Variants in TMEM74 observed in about 807,000 individuals in gnomAD.
TMEM74 encodes transmembrane protein 74.
TMEM74 carries 13 observed loss-of-function variants against 18.1 expected under a neutral mutation model. That is an observed-to-expected ratio of 0.72 (90% CI 0.47 to 1.14). The LOEUF is 1.14. Among genes scored for constraint, TMEM74 ranks in the 50% most tolerant of loss-of-function variants. The pLI, the probability that TMEM74 is intolerant of heterozygous loss-of-function variation, is 0.00. For missense variants in TMEM74, 372 were observed against 375.9 expected (o/e 0.99, Z 0.09); for synonymous variants, 159 against 146.6 (o/e 1.08, Z -0.61).
chr8:108,732,643 C>A (rs1813707722), intron 1 of TMEM74, among the ~76,000 whole-genome samples: 1 of 151,860 alleles, frequency 6.6e-6, no homozygotes. Flanking sequence ...AGGAAAATCT[C>A]AAAAATGGTG....
chr8:108,738,462 T>C (rs183651798), intron 1 of TMEM74, among the ~76,000 whole-genome samples: 128 of 152,270 alleles, frequency 8.4e-4, no homozygotes, highest in Middle Eastern at 3.4e-3. Flanking sequence ...TGTCAAAATA[T>C]CAAAACTTGG....
chr8:108,744,035 GT>G (rs10710496), intron 1 of TMEM74, among the ~76,000 whole-genome samples: 47,682 of 151,976 alleles, frequency 0.31, 7,719 homozygotes, highest in East Asian at 0.41. Context: ...GGTGGGCAAT[GT>G]TTAGTGCACC....
chr8:108,610,582 T>G (rs748238641), intron 2 of TMEM74, among the ~76,000 whole-genome samples: 3 of 152,098 alleles, frequency 2.0e-5, no homozygotes, highest in Non-Finnish European at 2.9e-5. Context: ...GTTGAGAATG[T>G]GACATTTGGG....
intron 1 of TMEM74, among the ~76,000 whole-genome samples, chr8:108,709,070 C>T (rs1586269071): frequency 6.6e-6 from 1 of 152,148 alleles, no homozygotes; most frequent in Non-Finnish European, 1.5e-5. Context: ...TCCTTGTACA[C>T]TGTTCGTGAG....
At chr8:108,657,858 AAATATATATATATATAT>A (rs1395816502) in intron 1 of TMEM74, among the ~76,000 whole-genome samples, 27 of 71,032 alleles carry the variant, frequency 3.8e-4, no homozygotes, top group East Asian at 3.7e-3. Flanking sequence ...AAAAAAAAAA[AAATATATATATATATAT>A]ATATATATAT....
At chr8:108,610,805 C>T (rs775442759) in intron 2 of TMEM74, among the ~76,000 whole-genome samples, 1 of 152,144 alleles carries the variant, frequency 6.6e-6, no homozygotes, top group Non-Finnish European at 1.5e-5. Context: ...GGCTTCTCCT[C>T]TGAATAAGTT....
chr8:108,699,183 T>TCCTTCCTTCCTTCCTTCCTTCCTC (rs1316107934), intron 1 of TMEM74, among the ~76,000 whole-genome samples: 2 of 70,472 alleles, frequency 2.8e-5, no homozygotes, highest in African/African-American at 1.4e-4. Context: ...CTTCCTTCCT[T>TCCTTCCTTCCTTCCTTCCTTCCTC]CCTCCCTCCC....
At chr8:108,748,016 A>G (rs1403183934) in intron 1 of TMEM74, among the ~76,000 whole-genome samples, 1 of 152,154 alleles carries the variant, frequency 6.6e-6, no homozygotes, top group Admixed American at 6.6e-5. Flanking sequence ...TAGTGCTGCA[A>G]TGAACATATG....
chr8:108,657,877 T>A (rs1250586076), intron 1 of TMEM74, among the ~76,000 whole-genome samples: 12,404 of 70,542 alleles, frequency 0.18, 2,318 homozygotes, highest in East Asian at 0.2. Context: ...TATATATATA[T>A]ATATATATAT....
chr8:108,767,848 T>A (rs1347104068), intron 1 of TMEM74, among the ~76,000 whole-genome samples: 1 of 152,152 alleles, frequency 6.6e-6, no homozygotes, highest in Admixed American at 6.5e-5. Flanking sequence ...ACAGATGAGG[T>A]ATAAATATAG....
intron 1 of TMEM74, among the ~76,000 whole-genome samples, chr8:108,771,344 C>T (rs1438588621): frequency 6.6e-6 from 1 of 151,938 alleles, no homozygotes; most frequent in East Asian, 1.9e-4. Context: ...TTGTAAATTC[C>T]TTGACTCAGT....
At chr8:108,715,046 C>G (rs753983548) in intron 1 of TMEM74, among the ~76,000 whole-genome samples, 3 of 152,036 alleles carry the variant, frequency 2.0e-5, no homozygotes, top group Non-Finnish European at 4.4e-5. Context: ...TGTATCTTTT[C>G]TTTTTTGTCA....
intron 1 of TMEM74, among the ~76,000 whole-genome samples, chr8:108,761,595 A>G (rs1000422449): frequency 1.3e-5 from 2 of 152,084 alleles, no homozygotes; most frequent in African/African-American, 4.8e-5. Flanking sequence ...CTGGAGATGG[A>G]TAGTCTCATA....
At chr8:108,697,013 G>A (rs3019421) in intron 1 of TMEM74, among the ~76,000 whole-genome samples, 1 of 152,052 alleles carries the variant, frequency 6.6e-6, no homozygotes, top group Non-Finnish European at 1.5e-5. Context: ...TGCTGCTGGT[G>A]CTGTCATTTC....
intron 1 of TMEM74, among the ~76,000 whole-genome samples, chr8:108,770,924 A>T (rs1323344520): frequency 1.3e-5 from 2 of 152,128 alleles, no homozygotes; most frequent in Non-Finnish European, 2.9e-5. Context: ...TGAGCTGTTC[A>T]GAGGAGAATC....
chr8:108,624,627 A>C (rs1812476999), intron 2 of TMEM74, among the ~76,000 whole-genome samples: 3 of 152,084 alleles, frequency 2.0e-5, no homozygotes, highest in Admixed American at 2.0e-4. Flanking sequence ...TTTCAACAGT[A>C]GGACACTCTA....
chr8:108,680,748 A>G (rs947017832), intron 1 of TMEM74, among the ~76,000 whole-genome samples: 12 of 152,332 alleles, frequency 7.9e-5, no homozygotes, highest in Admixed American at 1.3e-4. Flanking sequence ...AGATGTCATG[A>G]CTGTATATCT....
chr8:108,693,874 T>A (rs1813253949), intron 1 of TMEM74, among the ~76,000 whole-genome samples: 1 of 152,260 alleles, frequency 6.6e-6, no homozygotes, highest in African/African-American at 2.4e-5. Flanking sequence ...TCTACTTTAA[T>A]GACCACGTAG....
intron 1 of TMEM74, among the ~76,000 whole-genome samples, chr8:108,707,763 T>G (rs6980775): frequency 0.018 from 2,807 of 152,176 alleles, 104 homozygotes; most frequent in African/African-American, 0.064. Context: ...TAGGGTAAAA[T>G]CTTCTTGTCG....
Sources: gnomAD v4.1 joint callset for allele counts (sites outside exome capture counted in the v4.1 genomes callset) on GRCh38, gnomAD v4.1.1 for gene constraint, MANE v1.5 for transcripts, NCBI Gene and HGNC (gene_info 2026-07-23, HGNC 2026-07-21) for gene names.